Variants in SGSM1 observed in about 807,000 individuals in gnomAD.
SGSM1 encodes the protein RUN and TBC1 domain containing 2.
A neutral mutation model predicts 133.8 loss-of-function variants in SGSM1; 73 were observed. The observed-to-expected ratio is 0.55, with a 90% confidence interval of 0.45 to 0.66. The LOEUF (loss-of-function observed/expected upper bound fraction) is 0.66, where lower values mean the gene tolerates loss of function less well. Ranked by LOEUF, SGSM1 falls within the 30% of genes least tolerant of loss-of-function variation. The pLI is 0.00. For synonymous variants in SGSM1, 563 were observed against 573.0 expected (o/e 0.98, Z 0.25); for missense variants, 1,213 against 1,448.1 (o/e 0.84, Z 2.64).
chr22:24,824,109 G>C (rs1928654474), intron 2 of SGSM1, among the ~76,000 whole-genome samples: 1 of 152,146 alleles, frequency 6.6e-6, no homozygotes. Flanking sequence ...CTCAGAAGAT[G>C]GGCAACCTGC....
intron 9 of SGSM1, among the ~76,000 whole-genome samples, chr22:24,862,585 A>C (rs964559346): frequency 6.6e-6 from 1 of 152,130 alleles, no homozygotes; most frequent in Non-Finnish European, 1.5e-5. Context: ...TGAAGCAGGG[A>C]AGTCAGGACC....
chr22:24,894,942 A>G (rs866766266), intron 17 of SGSM1, among the ~76,000 whole-genome samples: 35 of 152,338 alleles, frequency 2.3e-4, no homozygotes, highest in African/African-American at 5.0e-4. Context: ...AATATTGGCC[A>G]GAAGTCTCAA....
chr22:24,822,779 C>T (rs886469137), intron 2 of SGSM1, among the ~76,000 whole-genome samples: 58 of 152,316 alleles, frequency 3.8e-4, no homozygotes, highest in African/African-American at 1.4e-3. Context: ...CCACTGGGGT[C>T]TCCACTGCAA....
chr22:24,841,382 C>G (rs1435456141), intron 2 of SGSM1, among the ~76,000 whole-genome samples: 1 of 152,290 alleles, frequency 6.6e-6, no homozygotes, highest in African/African-American at 2.4e-5. Flanking sequence ...AAGATATTCT[C>G]TCTCCTGGAG....
At chr22:24,876,263 A>C (rs1050137351) in intron 12 of SGSM1, among the ~76,000 whole-genome samples, 3 of 152,128 alleles carry the variant, frequency 2.0e-5, no homozygotes, top group African/African-American at 7.2e-5. Flanking sequence ...TGTGAGCATG[A>C]CTAAGTGACA....
chr22:24,820,028 G>C (rs1040971845), intron 2 of SGSM1, among the ~76,000 whole-genome samples: 1 of 152,062 alleles, frequency 6.6e-6, no homozygotes, highest in Non-Finnish European at 1.5e-5. Context: ...TGCCAGGGAA[G>C]CCAGACGCAA....
rs1409880070 is a variant in SGSM1, at chr22:24,868,268, T to C, written c.995-108T>C. 6.9e-6 allele frequency: 10 copies of C among 1,439,786 alleles called. No individual in the cohort carries two copies. The East Asian group carries it at 1.6e-4, about 24-fold the overall frequency. 89.2% of individuals were successfully genotyped at this position (1,439,786 alleles called of 1,614,324 possible). A position where few individuals can be genotyped will look rare whatever the true frequency, so the allele number is the denominator to read the frequency against. ...ACTTTCCCAGAGCCTCAGAGCAGGATCCCTGGGTCTGGCTTGGCACCCCTG... is the reference window on the plus strand; with the variant it reads ...ACTTTCCCAGAGCCTCAGAGCAGGACCCCTGGGTCTGGCTTGGCACCCCTG... On this transcript the variant is annotated intron_variant, in intron 10 of 24. Transcript: ENST00000400358.
Position 24,925,993 on chromosome 22 carries a change from G to C in SGSM1, c.*1719G>C, listed in dbSNP as rs967941973. On this transcript the variant is annotated 3_prime_UTR_variant, in exon 25 of 25. Transcript: ENST00000400358. ...AATGGGGGAAACCCAGCAAGCAGCA[G>C]AGAGAAAGGCTCTTCCCGGGAGACC... 1.3e-5 allele frequency: 2 copies of C among 152,280 alleles called. No homozygotes were observed. The highest frequency in any genetic ancestry group is 4.8e-5 in the African/African-American group (2 of 41,460). 9.4% of individuals were successfully genotyped at this position (152,280 alleles called of 1,614,324 possible).
At chr22:24,883,970 G>A in intron 14 of SGSM1, 83 bp from the exon 15 acceptor site, 1 of 1,434,116 alleles carries the variant, frequency 7.0e-7, no homozygotes, top group South Asian at 1.5e-5. Flanking sequence ...ATTTGAGGTG[G>A]GACAGAACTT....
chr22:24,925,356 CA>C lies in SGSM1; in HGVS notation c.*1093del, dbSNP rs11362741. ...CGGGCGACAGTTCAAGACTCCATCTCAAAAAAAAAAAGAAAAGGCACACAAG... is the reference window on the plus strand; with the variant it reads ...CGGGCGACAGTTCAAGACTCCATCTCAAAAAAAAAAGAAAAGGCACACAAG... On this transcript the variant is annotated 3_prime_UTR_variant, in exon 25 of 25. Transcript: ENST00000400358. 0.22 allele frequency: 31,553 copies of C among 145,366 alleles called. 4,027 individuals carry two copies. Among genetic ancestry groups the C allele is most frequent in the East Asian group, 0.57 (2,837 of 5,016 alleles). The allele number at this position is 145,366 out of a possible 1,614,324, so 9.0% of individuals were successfully genotyped here.
At chr22:24,907,216 C>T (rs1305501941) in intron 21 of SGSM1, among the ~76,000 whole-genome samples, 9 of 151,198 alleles carry the variant, frequency 6.0e-5, no homozygotes, top group East Asian at 1.9e-4. Flanking sequence ...GCTGAGATTG[C>T]GCCATTACAC....
intron 14 of SGSM1, among the ~76,000 whole-genome samples, chr22:24,881,607 C>T (rs1932336104): frequency 6.6e-6 from 1 of 150,848 alleles, no homozygotes; most frequent in African/African-American, 2.4e-5. Context: ...AAACCAGCAA[C>T]AACAACAAAA....
At chr22:24,881,566 AAAAACAAAAC>A (rs566672895) in intron 14 of SGSM1, among the ~76,000 whole-genome samples, 4 of 150,510 alleles carry the variant, frequency 2.7e-5, no homozygotes, top group East Asian at 3.9e-4. Flanking sequence ...ACTCCGTCTC[AAAAACAAAAC>A]AAAACAAAAC....
In SGSM1 at chr22:24,855,271, C is replaced by G. The variant is rs1601925313; in HGVS notation, c.524-14C>G. ...TCCGGGGCAGTGGGTTTCCAGCCCC[C>G]ACATGCCCCTCAGTGGGGCCCTGTG... On this transcript the variant is annotated splice_polypyrimidine_tract_variant and intron_variant, in intron 6 of 24. Transcript: ENST00000400358. 1.2e-6 allele frequency: 2 copies of G among 1,604,974 alleles called. No individual in the cohort carries two copies. The highest frequency in any genetic ancestry group is 1.7e-6 in the Non-Finnish European group (2 of 1,175,704).
intron 2 of SGSM1, among the ~76,000 whole-genome samples, chr22:24,835,794 C>T (rs1174353755): frequency 1.3e-5 from 2 of 151,870 alleles, no homozygotes; most frequent in African/African-American, 2.4e-5. Context: ...GCAGAGGGGC[C>T]TCCTTGTGTG....
chr22:24,846,442 C>T (rs1469049593), intron 3 of SGSM1, among the ~76,000 whole-genome samples: 4 of 151,746 alleles, frequency 2.6e-5, no homozygotes, highest in Non-Finnish European at 5.9e-5. Context: ...TTATGTGTTC[C>T]TGAATATTTT....
At chr22:24,868,354 C>T (rs776343528) in intron 10 of SGSM1, 22 bp from the exon 11 acceptor site, 1 of 1,601,292 alleles carries the variant, frequency 6.2e-7, no homozygotes, top group East Asian at 2.2e-5. Context: ...ACTGGGTCTT[C>T]TCTGGCTGGT....
chr22:24,902,006 TG>T, intron 20 of SGSM1, 49 bp downstream of exon 20: 1 of 32,142 alleles, frequency 3.1e-5, no homozygotes. Flanking sequence ...GGTGGGTGGG[TG>T]GGATGGGGGA....
chr22:24,824,688 G>A (rs545260998), intron 2 of SGSM1, among the ~76,000 whole-genome samples: 1 of 152,204 alleles, frequency 6.6e-6, no homozygotes, highest in East Asian at 1.9e-4. Context: ...CTCCTTTACA[G>A]TGGGAGAAAC....
Sources: allele counts gnomAD v4.1 joint callset (sites outside exome capture counted in the v4.1 genomes callset), GRCh38; gene constraint gnomAD v4.1.1; transcripts MANE v1.5; gene names NCBI Gene and HGNC (gene_info 2026-07-23, HGNC 2026-07-21).